Variants in GPR158 observed in about 807,000 individuals in gnomAD.
GPR158 encodes the protein G protein-coupled receptor 158.
In GPR158, 30 loss-of-function variants were observed where a neutral mutation model predicts 78.2. The ratio of observed to expected loss-of-function variants is 0.38; its 90% confidence interval spans 0.29 to 0.52. GPR158 has a LOEUF of 0.52. Ranked by LOEUF, GPR158 falls within the 20% of genes least tolerant of loss-of-function variation. The pLI, the probability that GPR158 is intolerant of heterozygous loss-of-function variation, is 0.83. For synonymous variants in GPR158, 581 were observed against 591.1 expected (o/e 0.98, Z 0.25); for missense variants, 1,463 against 1,523.5 (o/e 0.96, Z 0.66).
rs529874414 is a variant in GPR158, at chr10:25,204,496, C to T, written c.903-16556C>T. Among the ~76,000 whole-genome samples, 14 of 152,258 alleles carry T rather than the reference C, an allele frequency of 9.2e-5. No homozygotes were observed. In the East Asian group the frequency reaches 2.7e-3, roughly 29 times the overall value. On this transcript the variant is annotated intron_variant, in intron 1 of 10. Transcript: ENST00000376351. ...TGAATTTTGTCAAAGGCCTTTTCTG[C>T]ATCTATTGAGATAATTATGTGGTTT... is the stretch of plus-strand genomic sequence containing the variant.
chr10:25,276,988 C>A (rs151108028), intron 2 of GPR158, among the ~76,000 whole-genome samples: 1 of 150,680 alleles, frequency 6.6e-6, no homozygotes, highest in Non-Finnish European at 1.5e-5. Context: ...CTCACTCTGT[C>A]GCCCAGGCTG....
At chr10:25,280,572 A>T (rs1192556016) in intron 2 of GPR158, among the ~76,000 whole-genome samples, 3 of 152,222 alleles carry the variant, frequency 2.0e-5, no homozygotes, top group South Asian at 2.1e-4. Context: ...GAAACAGAAG[A>T]TTAACCACAT....
intron 4 of GPR158, among the ~76,000 whole-genome samples, chr10:25,438,129 A>G (rs78491646): frequency 0.084 from 12,802 of 152,274 alleles, 672 homozygotes; most frequent in South Asian, 0.18. Flanking sequence ...AGACAAAACT[A>G]AAAAATTCTA....
intron 2 of GPR158, among the ~76,000 whole-genome samples, chr10:25,296,069 A>G (rs922647868): frequency 1.3e-5 from 2 of 151,066 alleles, no homozygotes; most frequent in South Asian, 4.2e-4. Flanking sequence ...AAAAAAAAAA[A>G]CCTAAGCAAG....
At chr10:25,448,371 T>A (rs1317780354) in intron 4 of GPR158, among the ~76,000 whole-genome samples, 1 of 152,182 alleles carries the variant, frequency 6.6e-6, no homozygotes, top group Non-Finnish European at 1.5e-5. Context: ...ATTACAGGCG[T>A]GAGCCACCAC....
At chr10:25,349,368 A>C (rs1415683590) in intron 2 of GPR158, among the ~76,000 whole-genome samples, 2 of 127,768 alleles carry the variant, frequency 1.6e-5, no homozygotes, top group Non-Finnish European at 3.0e-5. Flanking sequence ...TAACTTAAAC[A>C]CATTTGCAAA....
intron 2 of GPR158, among the ~76,000 whole-genome samples, chr10:25,262,932 T>A (rs1054892775): frequency 6.6e-6 from 1 of 152,218 alleles, no homozygotes; most frequent in African/African-American, 2.4e-5. Context: ...AACAGTTCTT[T>A]GCACACTTTG....
At chr10:25,381,318 G>A (rs914326861) in intron 2 of GPR158, among the ~76,000 whole-genome samples, 5 of 120,818 alleles carry the variant, frequency 4.1e-5, no homozygotes, top group African/African-American at 1.5e-4. Context: ...GAGCCAAATT[G>A]CTCTGGTTTG....
chr10:25,600,750 A>G lies in GPR158; in HGVS notation c.*1476A>G, dbSNP rs942886481. 1.3e-5 allele frequency: 2 copies of G among 152,488 alleles called. No individual in the cohort carries two copies. The highest frequency in any genetic ancestry group is 3.9e-4 in the East Asian group (2 of 5,178). The allele number at this position is 152,488 out of a possible 1,614,324, so 9.4% of individuals were successfully genotyped here. A position where few individuals can be genotyped will look rare whatever the true frequency, so the allele number is the denominator to read the frequency against. ...GTCCTGCAAATTGCCATTGTGAGCC[A>G]CTTGCTCGACATGTAACATGTAAGG... On this transcript the variant is annotated 3_prime_UTR_variant, in exon 11 of 11. Coordinates refer to ENST00000376351, the MANE Select transcript of GPR158 (RefSeq NM_020752.3).
chr10:25,565,046 G>A (rs1463711053), intron 6 of GPR158, among the ~76,000 whole-genome samples: 1 of 152,256 alleles, frequency 6.6e-6, no homozygotes, highest in East Asian at 1.9e-4. Context: ...AGGAGCTAAT[G>A]TTTACTCTCA....
At chr10:25,478,765 G>T (rs896260789) in intron 5 of GPR158, among the ~76,000 whole-genome samples, 23 of 151,388 alleles carry the variant, frequency 1.5e-4, no homozygotes, top group African/African-American at 5.6e-4. Context: ...ATTTACATTA[G>T]GTATATCTCC....
chr10:25,533,341 G>T (rs765528223), intron 5 of GPR158, among the ~76,000 whole-genome samples: 6 of 152,236 alleles, frequency 3.9e-5, no homozygotes, highest in Non-Finnish European at 7.4e-5. Flanking sequence ...AAATCATTCA[G>T]TCTCTGCCCT....
At chr10:25,462,849 A>C (rs1014589312) in intron 4 of GPR158, among the ~76,000 whole-genome samples, 1 of 152,192 alleles carries the variant, frequency 6.6e-6, no homozygotes, top group Non-Finnish European at 1.5e-5. Flanking sequence ...TTTCAGACGG[A>C]ATCCACTCCT....
chr10:25,237,600 T>C (rs1389172957), intron 2 of GPR158, among the ~76,000 whole-genome samples: 8 of 152,224 alleles, frequency 5.3e-5, no homozygotes, highest in Non-Finnish European at 5.9e-5. Flanking sequence ...TAGGTGGCTC[T>C]TCAAATTGAC....
intron 4 of GPR158, among the ~76,000 whole-genome samples, chr10:25,434,090 A>T (rs1182852554): frequency 6.6e-6 from 1 of 152,030 alleles, no homozygotes; most frequent in African/African-American, 2.4e-5. Flanking sequence ...TGAACCCTGG[A>T]GGTGGAGCTT....
At chr10:25,327,911 A>G (rs1449472384) in intron 2 of GPR158, among the ~76,000 whole-genome samples, 1 of 152,244 alleles carries the variant, frequency 6.6e-6, no homozygotes, top group Non-Finnish European at 1.5e-5. Flanking sequence ...TTAAGTTATT[A>G]TAGAAAATCT....
intron 5 of GPR158, among the ~76,000 whole-genome samples, chr10:25,495,949 A>C (rs1344143606): frequency 6.6e-6 from 1 of 151,878 alleles, no homozygotes; most frequent in Non-Finnish European, 1.5e-5. Flanking sequence ...ATGCCTGAGA[A>C]CAGGGATGTC....
At chr10:25,240,071 A>G (rs1050045344) in intron 2 of GPR158, among the ~76,000 whole-genome samples, 1 of 152,246 alleles carries the variant, frequency 6.6e-6, no homozygotes, top group Non-Finnish European at 1.5e-5. Flanking sequence ...ACTCTACTAC[A>G]TATTTCCAAA....
chr10:25,203,293 A>G (rs1852962812), intron 1 of GPR158, among the ~76,000 whole-genome samples: 1 of 152,002 alleles, frequency 6.6e-6, no homozygotes, highest in Admixed American at 6.6e-5. Flanking sequence ...TTTTGTTGCT[A>G]TTGCTTTTGG....
Sources: allele counts gnomAD v4.1 joint callset (sites outside exome capture counted in the v4.1 genomes callset), GRCh38; gene constraint gnomAD v4.1.1; transcripts MANE v1.5; gene names NCBI Gene and HGNC (gene_info 2026-07-23, HGNC 2026-07-21).